The following SGCZ variants were observed in gnomAD, a reference collection of about 807,000 sequenced individuals.
The protein encoded by SGCZ is zeta-sarcoglycan.
Under a neutral mutation model 41.3 loss-of-function variants are expected in SGCZ, and 40 were observed. The ratio of observed to expected loss-of-function variants is 0.97; its 90% CI spans 0.75 to 1.26. The LOEUF (loss-of-function observed/expected upper bound fraction) is 1.26, where lower values mean the gene tolerates loss of function less well. SGCZ is among the 50% of genes most tolerant of loss of function. The pLI is 0.00. For synonymous variants in SGCZ, 206 were observed against 137.5 expected (o/e 1.50, Z -3.49); for missense variants, 552 against 369.8 (o/e 1.49, Z -4.04).
At chr8:14,501,411 CT>C (rs1321828072) in intron 2 of SGCZ, among the ~76,000 whole-genome samples, 8 of 151,826 alleles carry the variant, frequency 5.3e-5, no homozygotes, top group African/African-American at 1.9e-4. Flanking sequence ...GTGTACAATC[CT>C]TGATAAATAA....
At chr8:14,768,221 T>C (rs1383939800) in intron 1 of SGCZ, among the ~76,000 whole-genome samples, 2 of 152,204 alleles carry the variant, frequency 1.3e-5, no homozygotes, top group Non-Finnish European at 2.9e-5. Flanking sequence ...TCCTTTAACA[T>C]ATAGTCTCCT....
chr8:14,508,623 TC>T (rs1802377470), intron 2 of SGCZ, among the ~76,000 whole-genome samples: 1 of 152,148 alleles, frequency 6.6e-6, no homozygotes, highest in South Asian at 2.1e-4. Flanking sequence ...TCACTAACTT[TC>T]CCCATCGGTG....
chr8:15,170,097 T>C (rs1409348691), intron 1 of SGCZ, among the ~76,000 whole-genome samples: 2 of 151,750 alleles, frequency 1.3e-5, no homozygotes, highest in South Asian at 4.2e-4. Context: ...TGAAAAACTT[T>C]CTGTCAATAT....
intron 3 of SGCZ, among the ~76,000 whole-genome samples, chr8:14,319,303 G>A (rs1801837717): frequency 6.6e-6 from 1 of 151,920 alleles, no homozygotes; most frequent in African/African-American, 2.4e-5. Flanking sequence ...ATTTCTTCCG[G>A]CAATATTCAG....
intron 1 of SGCZ, among the ~76,000 whole-genome samples, chr8:14,646,039 C>CT (rs1212840200): frequency 6.6e-6 from 1 of 151,626 alleles, no homozygotes; most frequent in Middle Eastern, 3.2e-3. Context: ...AGATAGTTTC[C>CT]TTTTTTATTT....
chr8:14,545,092 T>G (rs1453418589), intron 2 of SGCZ, among the ~76,000 whole-genome samples: 2 of 151,236 alleles, frequency 1.3e-5, no homozygotes, highest in Non-Finnish European at 2.9e-5. Context: ...CTTTGTACTG[T>G]CTCTCTTTAT....
At chr8:14,822,045 G>A (rs1047057633) in intron 1 of SGCZ, among the ~76,000 whole-genome samples, 1 of 147,936 alleles carries the variant, frequency 6.8e-6, no homozygotes, top group African/African-American at 2.5e-5. Flanking sequence ...CAGATGACTT[G>A]ATTTTAAATA....
At chr8:14,470,833 C>CACTGAT (rs1254404715) in intron 2 of SGCZ, among the ~76,000 whole-genome samples, 2 of 152,118 alleles carry the variant, frequency 1.3e-5, no homozygotes, top group Non-Finnish European at 2.9e-5. Flanking sequence ...CATAGTCCTC[C>CACTGAT]ACTGATATCA....
chr8:14,883,678 G>T (rs1804678276), intron 1 of SGCZ, among the ~76,000 whole-genome samples: 1 of 151,218 alleles, frequency 6.6e-6, no homozygotes, highest in South Asian at 2.1e-4. Flanking sequence ...TACCCAGCTT[G>T]GTTTCTAGAT....
intron 1 of SGCZ, among the ~76,000 whole-genome samples, chr8:15,100,210 C>G (rs1311248919): frequency 6.6e-6 from 1 of 152,082 alleles, no homozygotes; most frequent in Non-Finnish European, 1.5e-5. Context: ...ATTGCAAAAC[C>G]TGAAAACAAA....
chr8:14,183,602 T>C (rs1804805179), intron 4 of SGCZ, among the ~76,000 whole-genome samples: 1 of 152,192 alleles, frequency 6.6e-6, no homozygotes. Context: ...GAACACGGAA[T>C]ATTATCTCAG....
chr8:15,017,761 C>A (rs1803093685), intron 1 of SGCZ, among the ~76,000 whole-genome samples: 1 of 152,184 alleles, frequency 6.6e-6, no homozygotes, highest in Admixed American at 6.5e-5. Context: ...CTCCCTCAGC[C>A]TCTCAAAGTG....
chr8:15,061,555 A>T (rs1483632725), intron 1 of SGCZ, among the ~76,000 whole-genome samples: 1 of 151,704 alleles, frequency 6.6e-6, no homozygotes, highest in African/African-American at 2.4e-5. Context: ...GGAAAAAATT[A>T]AAAATAAATA....
intron 1 of SGCZ, among the ~76,000 whole-genome samples, chr8:14,863,001 G>C (rs1803806504): frequency 6.6e-6 from 1 of 152,066 alleles, no homozygotes. Flanking sequence ...AAATAAGAAG[G>C]AAATCAATCA....
chr8:15,096,342 T>C lies in SGCZ; in HGVS notation c.39+141243A>G, dbSNP rs1310319508. 2.6e-5 allele frequency among the ~76,000 whole-genome samples: 4 copies of C among 151,864 alleles called. No homozygotes were observed. In the East Asian group the frequency reaches 7.8e-4, roughly 29 times the overall value. On this transcript the variant is annotated intron_variant, in intron 1 of 7. Transcript: ENST00000382080. ...ACCTCAAGTGATCCACCTGCCTCCATCTCCCAAAGTGCTGAGATGATAGGA... is the reference window on the plus strand; with the variant it reads ...ACCTCAAGTGATCCACCTGCCTCCACCTCCCAAAGTGCTGAGATGATAGGA...
chr8:14,110,053 C>T (rs1421422898), intron 5 of SGCZ, among the ~76,000 whole-genome samples: 1 of 151,820 alleles, frequency 6.6e-6, no homozygotes, highest in African/African-American at 2.4e-5. Flanking sequence ...GCGGTTTATT[C>T]TTTTGATATT....
intron 1 of SGCZ, among the ~76,000 whole-genome samples, chr8:15,170,751 C>G (rs1016909127): frequency 6.6e-6 from 1 of 152,108 alleles, no homozygotes; most frequent in Admixed American, 6.6e-5. Context: ...TATAGTCTTA[C>G]AAGGGATCCA....
intron 1 of SGCZ, among the ~76,000 whole-genome samples, chr8:14,694,758 T>C (rs755962462): frequency 1.4e-4 from 22 of 152,194 alleles, no homozygotes; most frequent in Non-Finnish European, 2.1e-4. Flanking sequence ...CTCATATTTA[T>C]TTATCAAAAA....
At chr8:14,170,587 G>A (rs1804348482) in intron 4 of SGCZ, among the ~76,000 whole-genome samples, 2 of 152,058 alleles carry the variant, frequency 1.3e-5, no homozygotes, top group African/African-American at 4.8e-5. Flanking sequence ...TAAGAGAAGT[G>A]AATGCAGATG....
Sources: gnomAD v4.1 joint callset for allele counts (sites outside exome capture counted in the v4.1 genomes callset) on GRCh38, gnomAD v4.1.1 for gene constraint, MANE v1.5 for transcripts, NCBI Gene and HGNC (gene_info 2026-07-23, HGNC 2026-07-21) for gene names.